EML6: variants seen among roughly 807,000 people sequenced by gnomAD.
The protein encoded by EML6 is EMAP like 6, also known as echinoderm microtubule-associated protein-like 6.
In EML6, 154 loss-of-function variants were observed where a neutral mutation model predicts 240.1. The observed-to-expected ratio is 0.64, with a 90% CI of 0.56 to 0.73. The LOEUF is 0.73. EML6 is among the 30% of genes least tolerant of loss of function. The probability of loss-of-function intolerance (pLI) is 0.00; values close to 1 mark genes in which losing one functional copy is unlikely to be tolerated. For missense variants in EML6, 2,964 were observed against 2,474.6 expected (o/e 1.20, Z -4.20); for synonymous variants, 1,148 against 899.0 (o/e 1.28, Z -4.95).
At chr2:54,742,606 C>T (rs1346449268) in intron 2 of EML6, among the ~76,000 whole-genome samples, 2 of 152,122 alleles carry the variant, frequency 1.3e-5, no homozygotes, top group Admixed American at 6.5e-5. Context: ...CCTCTGTGTC[C>T]CGGAGGCTCT....
chr2:54,888,827 T>C (rs1235116161), intron 17 of EML6, among the ~76,000 whole-genome samples: 1 of 152,220 alleles, frequency 6.6e-6, no homozygotes, highest in East Asian at 1.9e-4. Context: ...TAAATATCCA[T>C]GTGCAGGTTT....
chr2:54,810,117 C>T (rs954851310), intron 2 of EML6, among the ~76,000 whole-genome samples: 1 of 152,080 alleles, frequency 6.6e-6, no homozygotes, highest in Non-Finnish European at 1.5e-5. Flanking sequence ...AGAAAAAGCT[C>T]ATTTTCTTAA....
chr2:54,968,625 G>A (rs1476056908), intron 40 of EML6, 43 bp from the exon 41 acceptor site: 5 of 1,172,122 alleles, frequency 4.3e-6, no homozygotes, highest in Non-Finnish European at 6.2e-6. Context: ...TTGCTGAGAG[G>A]AGCCAGGGTC....
intron 36 of EML6, 101 bp from the exon 37 acceptor site, chr2:54,963,885 C>A (rs771975972): frequency 9.2e-7 from 1 of 1,088,166 alleles, no homozygotes; most frequent in Non-Finnish European, 1.3e-6. Flanking sequence ...CCTGCAGTGG[C>A]TGCGAGGGCA....
intron 6 of EML6, among the ~76,000 whole-genome samples, chr2:54,828,223 G>A (rs530425860): frequency 6.6e-6 from 1 of 152,186 alleles, no homozygotes; most frequent in African/African-American, 2.4e-5. Context: ...TTATGTTGAG[G>A]TGCCAGGGTG....
rs1036238999 is a variant in EML6, at chr2:54,916,782, A to G, written c.3522A>G (p.Thr1174=). 3 of 1,532,706 alleles carry G rather than the reference A, an allele frequency of 2.0e-6. No individual in the cohort carries two copies. Among genetic ancestry groups the G allele is most frequent in the East Asian group, 4.9e-5 (2 of 40,574 alleles). 94.9% of individuals were successfully genotyped at this position (1,532,706 alleles called of 1,614,324 possible). A position where few individuals can be genotyped will look rare whatever the true frequency, so the allele number is the denominator to read the frequency against. ...AGATCGAGAAGATAGAGTGGGACAC[A>G]TGGACCTGTGTCCTGGGGCCCACCT... is the stretch of plus-strand genomic sequence containing the variant. The part of the protein sequence containing the change: ...PSEIEKIEWD[T]WTCVLGPTCE... The change falls in exon 26 of 42, where the codon ACA becomes ACG. Residue 1174 remains threonine (T), a synonymous_variant. Coordinates refer to ENST00000356458, the MANE Select transcript of EML6 (RefSeq NM_001039753.4).
At chr2:54,850,241 A>G (rs1670000943) in intron 10 of EML6, 23 bp downstream of exon 10, 5 of 1,543,368 alleles carry the variant, frequency 3.2e-6, no homozygotes, top group Non-Finnish European at 4.4e-6. Flanking sequence ...GAGGCCTTGG[A>G]TGTTTCTGGA....
At chr2:54,899,990 C>A (rs960933705) in intron 22 of EML6, among the ~76,000 whole-genome samples, 8 of 152,182 alleles carry the variant, frequency 5.3e-5, no homozygotes, top group African/African-American at 1.9e-4. Context: ...CTCCATTTTT[C>A]ACTTCATTTT....
intron 11 of EML6, among the ~76,000 whole-genome samples, chr2:54,855,687 C>T (rs1670337840): frequency 1.3e-5 from 2 of 152,120 alleles, no homozygotes. Context: ...CCTCAGCAAC[C>T]CACAGACATA....
At chr2:54,886,157 CTTCTTTT>C (rs1672125526) in intron 17 of EML6, among the ~76,000 whole-genome samples, 1 of 115,236 alleles carries the variant, frequency 8.7e-6, no homozygotes, top group Non-Finnish European at 1.8e-5. Flanking sequence ...TTTTTTTAAC[CTTCTTTT>C]TTTTTTTTTT....
intron 10 of EML6, 81 bp downstream of exon 10, chr2:54,850,299 G>A: frequency 7.7e-7 from 1 of 1,293,324 alleles, no homozygotes; most frequent in Non-Finnish European, 1.1e-6. Flanking sequence ...AAGTGTCATG[G>A]CTCTTTTAGA....
chr2:54,899,739 A>C lies in EML6; in HGVS notation c.3081A>C (p.Leu1027=), dbSNP rs1471275949. 2 of 1,551,958 alleles carry C rather than the reference A, an allele frequency of 1.3e-6. No homozygotes were observed. Among genetic ancestry groups the C allele is most frequent in the East Asian group, 2.4e-5 (1 of 40,936 alleles). ...SDDKTLRIWE[L]SAQHRMLAVR... Reference sequence around the variant, plus strand: ...ATAAAACACTTCGCATCTGGGAACTATCTGCCCAGCACCGTATGCTGGCAG... The same window carrying C: ...ATAAAACACTTCGCATCTGGGAACTCTCTGCCCAGCACCGTATGCTGGCAG... The change falls in exon 22 of 42, where the codon CTA becomes CTC. Residue 1027 remains leucine (L), a synonymous_variant. Transcript: ENST00000356458.
intron 2 of EML6, among the ~76,000 whole-genome samples, chr2:54,790,262 A>G (rs1274501604): frequency 6.6e-6 from 1 of 152,058 alleles, no homozygotes; most frequent in Non-Finnish European, 1.5e-5. Context: ...TCCACTTTCT[A>G]TTTTCTCTCC....
At chr2:54,905,314 A>G (rs1273462793) in intron 24 of EML6, among the ~76,000 whole-genome samples, 2 of 137,848 alleles carry the variant, frequency 1.5e-5, no homozygotes, top group Non-Finnish European at 1.5e-5. Context: ...AACTTTATTT[A>G]GAATCCGACA....
intron 2 of EML6, among the ~76,000 whole-genome samples, chr2:54,799,921 C>T (rs1410719137): frequency 6.6e-6 from 1 of 152,110 alleles, no homozygotes; most frequent in Non-Finnish European, 1.5e-5. Context: ...TGAAAATGTC[C>T]AGCAAACTGG....
In EML6 at chr2:54,938,578, T is replaced by TA. The variant is rs539974482; in HGVS notation, c.4004+9828dup. ...GTTTAGCAGAATCTGAGTACATGCC[T>TA]ACCAGCTCCCACAGTATAAGTAACT... On this transcript the variant is annotated intron_variant, in intron 28 of 41. Transcript: ENST00000356458. 4.3e-4 allele frequency among the ~76,000 whole-genome samples: 65 copies of TA among 152,308 alleles called. 2 individuals carry two copies. In the East Asian group the frequency reaches 0.011, roughly 25 times the overall value.
Position 54,850,096 on chromosome 2 carries a change from A to G in EML6, c.1322A>G (p.Tyr441Cys), listed in dbSNP as rs771130096. The change falls in exon 10 of 42, where the codon TAT becomes TGT. Residue 441 changes from tyrosine to cysteine, a missense_variant. Tyr to Cys is a radical substitution (Grantham distance 194). Coordinates refer to ENST00000356458, the MANE Select transcript of EML6 (RefSeq NM_001039753.4). ...GATGTCTATGCTGTTGCCCAGAGGTATAAGAAAATTGGAGAATGCAGCAAG... is the reference window on the plus strand; with the variant it reads ...GATGTCTATGCTGTTGCCCAGAGGTGTAAGAAAATTGGAGAATGCAGCAAG... ...PVDVYAVAQR[Y>C]KKIGECSKSL... 5 of 1,552,022 alleles carry G rather than the reference A, an allele frequency of 3.2e-6. No individual in the cohort carries two copies. The highest frequency in any genetic ancestry group is 1.4e-5 in the African/African-American group (1 of 73,070).
At chr2:54,851,109 G>C (rs1364182736) in intron 10 of EML6, among the ~76,000 whole-genome samples, 1 of 152,104 alleles carries the variant, frequency 6.6e-6, no homozygotes, top group African/African-American at 2.4e-5. Context: ...GATGATCTTG[G>C]AAAGAATAAC....
chr2:54,740,987 C>T (rs937548437), intron 2 of EML6, among the ~76,000 whole-genome samples: 6 of 152,112 alleles, frequency 3.9e-5, no homozygotes, highest in African/African-American at 1.4e-4. Context: ...ATGTCAACAA[C>T]TTGGATTTTT....
Sources: gnomAD v4.1 joint callset for allele counts (sites outside exome capture counted in the v4.1 genomes callset) on GRCh38, gnomAD v4.1.1 for gene constraint, MANE v1.5 for transcripts, NCBI Gene and HGNC (gene_info 2026-07-23, HGNC 2026-07-21) for gene names.